The following GLS variants were observed in gnomAD, a reference collection of about 807,000 sequenced individuals.
The protein encoded by GLS is glutaminase kidney isoform, mitochondrial.
A neutral mutation model predicts 86.7 loss-of-function variants in GLS; 36 were observed. The observed-to-expected ratio is 0.42, with a 90% CI of 0.32 to 0.55. The LOEUF (loss-of-function observed/expected upper bound fraction) is 0.55. Among genes scored for constraint, GLS ranks in the 20% least tolerant of loss-of-function variants. The pLI is 0.17. For synonymous variants in GLS, 317 were observed against 305.9 expected, an observed-to-expected ratio of 1.04 and a Z score of -0.38; for missense variants, 528 against 833.4, an observed-to-expected ratio of 0.63 and a Z score of 4.51.
intron 3 of GLS, among the ~76,000 whole-genome samples, chr2:190,900,099 TATA>T (rs747647140): frequency 1.4e-4 from 21 of 152,140 alleles, no homozygotes; most frequent in Non-Finnish European, 2.4e-4. Flanking sequence ...GAAAATATGT[TATA>T]ATGCAAAATG....
rs1039395821 is a variant in GLS, at chr2:190,947,847, C to G, written c.1651-5718C>G. Among the ~76,000 whole-genome samples, 4 of 152,136 alleles carry G rather than the reference C, an allele frequency of 2.6e-5. No homozygotes were observed. Among genetic ancestry groups the G allele is most frequent in the Admixed American group, 6.5e-5 (1 of 15,268 alleles). ...GATCTTCTAGAGTGCCCCTCTCCTT[C>G]AGTTTGTTTGCTATGATAGGCATTC... On this transcript the variant is annotated intron_variant, in intron 14 of 17. Transcript: ENST00000320717. This position sits in a 1 kb window ranked among gnomAD's most constrained non-coding sequence, Gnocchi z 5.0.
chr2:190,953,474 C>A lies in GLS; in HGVS notation c.1651-91C>A. ...TTGCACGTGACTCAGCTGAAGTGTT[C>A]AAAGCACATGGAAATCACTTGCCAG... On this transcript the variant is annotated intron_variant, in intron 14 of 17. Transcript: ENST00000320717. The surrounding 1 kb of genome is among the most constrained non-coding windows in gnomAD (Gnocchi z 4.0). The A allele has an allele frequency of 1.1e-6, 1 of 893,942 alleles. No homozygotes were observed. The highest frequency in any genetic ancestry group is 1.9e-6 in the Non-Finnish European group (1 of 531,136). 55.4% of individuals were successfully genotyped at this position (893,942 alleles called of 1,614,324 possible).
At chr2:190,891,732 C>A (rs1688570138) in intron 1 of GLS, among the ~76,000 whole-genome samples, 1 of 151,894 alleles carries the variant, frequency 6.6e-6, no homozygotes, top group African/African-American at 2.4e-5. Context: ...AGGTAGTCTC[C>A]TCATTTACCT....
At position 190,901,921 on chromosome 2, in the gene GLS, T is replaced by C. The variant is rs368638821; in HGVS notation, c.736-26T>C. 215 of 1,369,490 alleles carry C rather than the reference T, an allele frequency of 1.6e-4. 1 individual carries two copies. Among genetic ancestry groups the C allele is most frequent in the Middle Eastern group, 1.3e-3 (7 of 5,580 alleles). The allele number at this position is 1,369,490 out of a possible 1,614,324, so 84.8% of individuals were successfully genotyped here. On this transcript the variant is annotated intron_variant, in intron 4 of 17. Transcript: ENST00000320717. ...CATTATTTGTCAATATTATATCTATTCATTTCTTTCCAATCTTTTGGATAG... is the reference window on the plus strand; with the variant it reads ...CATTATTTGTCAATATTATATCTATCCATTTCTTTCCAATCTTTTGGATAG...
In GLS at chr2:190,949,881, A is replaced by G. The variant is rs1182707162; in HGVS notation, c.1651-3684A>G. ...AGAAAGACAAGTGGTCTCTGCCCAC[A>G]TGGAGCCTATATTTAATGAGAGAGA... is the stretch of plus-strand genomic sequence containing the variant. On this transcript the variant is annotated intron_variant, in intron 14 of 17. Transcript: ENST00000320717. The surrounding 1 kb of genome is among the most constrained non-coding windows in gnomAD (Gnocchi z 4.0). 6.6e-6 allele frequency among the ~76,000 whole-genome samples: 1 copy of G among 151,766 alleles called. No individual in the cohort carries two copies. The highest frequency in any genetic ancestry group is 2.4e-5 in the African/African-American group (1 of 41,342).
Position 190,962,888 on chromosome 2 carries a change from A to T in GLS, c.1912A>T (p.Ile638Phe), listed in dbSNP as rs1205763236. 1 of 1,599,608 alleles carries T rather than the reference A, an allele frequency of 6.3e-7. No homozygotes were observed. The change falls in exon 18 of 18, where the codon ATT (isoleucine) becomes TTT (phenylalanine). Residue 638 changes from isoleucine (I) to phenylalanine (F), a missense_variant. Coordinates refer to ENST00000320717, the MANE Select transcript of GLS (RefSeq NM_014905.5). This position sits in a 1 kb window ranked among gnomAD's most constrained non-coding sequence, Gnocchi z 4.2. ...CTTTGGACACCATGATGTATTTAAA[A>T]TTCTCCAAGAATACCAAGTCCAGTA... is the stretch of plus-strand genomic sequence containing the variant. ...LHFGHHDVFK[I>F]LQEYQVQYTP...
rs561776453 is a variant in GLS, at chr2:190,945,819, A to G, written c.1651-7746A>G. 5.8e-4 allele frequency among the ~76,000 whole-genome samples: 88 copies of G among 152,298 alleles called. 1 individual carries two copies. Among genetic ancestry groups the G allele is most frequent in the Non-Finnish European group, 1.1e-3 (72 of 68,024 alleles). On this transcript the variant is annotated intron_variant, in intron 14 of 17. Transcript: ENST00000320717. ...GTAAAACAGAGCTTCTTTCCTTTAT[A>G]GTAAAATTTGCTATTTGATTTATTC...
chr2:190,901,688 A>G (rs1688944565), intron 4 of GLS, among the ~76,000 whole-genome samples: 1 of 152,066 alleles, frequency 6.6e-6, no homozygotes, highest in Admixed American at 6.5e-5. Context: ...CCTGCTAAAC[A>G]TGAGAAAGAA....
At chr2:190,894,796 A>C (rs1688672674) in intron 1 of GLS, among the ~76,000 whole-genome samples, 1 of 152,174 alleles carries the variant, frequency 6.6e-6, no homozygotes, top group East Asian at 1.9e-4. Context: ...CAGAGTGTTG[A>C]GTCTTATCGG....
rs575489284 is a variant in GLS at position 190,895,278 on chromosome 2, TAAAA to T, written c.483+34_483+37del. 2.3e-6 allele frequency: 2 copies of T among 871,668 alleles called. No homozygotes were observed. The highest frequency in any genetic ancestry group is 3.8e-6 in the Non-Finnish European group (2 of 530,638). 54.0% of individuals were successfully genotyped at this position (871,668 alleles called of 1,614,324 possible). On this transcript the variant is annotated intron_variant, in intron 2 of 17. Transcript: ENST00000320717. This position sits in a 1 kb window ranked among gnomAD's most constrained non-coding sequence, Gnocchi z 4.2. ...GTTTTTATATTTTTCTATCTTAACT[TAAAA>T]AAATCAATAATAATAAATATATACA...
chr2:190,934,560 T>G, intron 14 of GLS: 2 of 983,750 alleles, frequency 2.0e-6, no homozygotes, highest in Non-Finnish European at 2.4e-6. Flanking sequence ...CAGGGCCATT[T>G]GTAGTTTGGG....
chr2:190,929,572 C>T (rs990674699), intron 12 of GLS, among the ~76,000 whole-genome samples: 1 of 150,218 alleles, frequency 6.7e-6, no homozygotes. Flanking sequence ...CAGGTTCAAG[C>T]GATTCTCCTG....
At chr2:190,910,356 A>C in intron 7 of GLS, 35 bp downstream of exon 7, 1 of 1,251,674 alleles carries the variant, frequency 8.0e-7, no homozygotes, top group Non-Finnish European at 1.1e-6. Context: ...ACCTAGTAAA[A>C]CTTTTTTTTT....
At chr2:190,942,067 C>CTTTTTTT (rs3036653) in intron 14 of GLS, among the ~76,000 whole-genome samples, 1,990 of 38,030 alleles carry the variant, frequency 0.052, 720 homozygotes, top group South Asian at 0.089. Flanking sequence ...ACTTTGAAGA[C>CTTTTTTT]TTTTTTTTTT....
chr2:190,932,215 C>T (rs1202059883), intron 14 of GLS, among the ~76,000 whole-genome samples: 5 of 151,728 alleles, frequency 3.3e-5, no homozygotes, highest in Admixed American at 2.0e-4. Flanking sequence ...TTGTTTGTTA[C>T]GAGTTTATTT....
chr2:190,943,088 T>C lies in GLS; in HGVS notation c.1651-10477T>C, dbSNP rs1690488895. Among the ~76,000 whole-genome samples, 1 of 152,228 alleles carries C rather than the reference T, an allele frequency of 6.6e-6. No homozygotes were observed. The highest frequency in any genetic ancestry group is 2.4e-5 in the African/African-American group (1 of 41,462). On this transcript the variant is annotated intron_variant, in intron 14 of 17. Coordinates refer to ENST00000320717, the MANE Select transcript of GLS (RefSeq NM_014905.5). This position sits in a 1 kb window ranked among gnomAD's most constrained non-coding sequence, Gnocchi z 4.5. ...GCAAGGGAATCTGGGAAAGTGTTTT[T>C]AATTGGACACAATACTACCTTTAAC...
chr2:190,908,714 AGGCT>A (rs1689248161), intron 6 of GLS, among the ~76,000 whole-genome samples: 1 of 152,214 alleles, frequency 6.6e-6, no homozygotes, highest in Admixed American at 6.5e-5. Flanking sequence ...TACTGCAGTT[AGGCT>A]GGTGGTGTGT....
chr2:190,890,384 A>G (rs1055263063), intron 1 of GLS, among the ~76,000 whole-genome samples: 2 of 152,036 alleles, frequency 1.3e-5, no homozygotes, highest in African/African-American at 2.4e-5. Context: ...GGGACAATTA[A>G]CCCACCTTAA....
chr2:190,952,972 A>T (rs1690757399), intron 14 of GLS, among the ~76,000 whole-genome samples: 1 of 152,190 alleles, frequency 6.6e-6, no homozygotes, highest in Non-Finnish European at 1.5e-5. Context: ...TGGAGTTGAG[A>T]AACTTTTAAA....
Sources: gnomAD v4.1 joint callset for allele counts (sites outside exome capture counted in the v4.1 genomes callset) on GRCh38, gnomAD v4.1.1 for gene constraint, Gnocchi (gnomAD v3.1) non-coding constraint, MANE v1.5 for transcripts, NCBI Gene and HGNC (gene_info 2026-07-23, HGNC 2026-07-21) for gene names.